PALM2AKAP2: variants seen among roughly 807,000 people sequenced by gnomAD.
PALM2AKAP2 encodes PALM2-AKAP2 fusion protein.
Under a neutral mutation model 71.5 loss-of-function variants are expected in PALM2AKAP2, and 37 were observed. The observed-to-expected ratio is 0.52, with a 90% CI of 0.40 to 0.68. The LOEUF (loss-of-function observed/expected upper bound fraction) is 0.68. Among genes scored for constraint, PALM2AKAP2 ranks in the 30% least tolerant of loss-of-function variants. The probability of loss-of-function intolerance (pLI) is 0.00; values close to 1 mark genes in which losing one functional copy is unlikely to be tolerated. For synonymous variants in PALM2AKAP2, 468 were observed against 478.8 expected (o/e 0.98, Z 0.29); for missense variants, 1,224 against 1,191.8 (o/e 1.03, Z -0.40).
At chr9:109,961,436 T>A (rs1831849308) in intron 6 of PALM2AKAP2, among the ~76,000 whole-genome samples, 1 of 152,210 alleles carries the variant, frequency 6.6e-6, no homozygotes, top group Non-Finnish European at 1.5e-5. Flanking sequence ...TGGAGCAGAA[T>A]GAAAGGGCAG....
At chr9:109,704,513 A>G in intron 1 of PALM2AKAP2, among the ~76,000 whole-genome samples, 1 of 152,192 alleles carries the variant, frequency 6.6e-6, no homozygotes. Context: ...ATACTGCAGA[A>G]TGGAGTTTCT....
chr9:109,770,989 T>A (rs1829252576), intron 1 of PALM2AKAP2, among the ~76,000 whole-genome samples: 1 of 152,230 alleles, frequency 6.6e-6, no homozygotes, highest in Admixed American at 6.5e-5. Flanking sequence ...ATTCTCAAGG[T>A]CATTAAGTGG....
At chr9:110,108,049 A>G (rs1299578759) in intron 1 of PALM2AKAP2, among the ~76,000 whole-genome samples, 1 of 151,046 alleles carries the variant, frequency 6.6e-6, no homozygotes, top group African/African-American at 2.4e-5. Flanking sequence ...GAAAATATCA[A>G]TTGCATACAT....
intron 7 of PALM2AKAP2, among the ~76,000 whole-genome samples, chr9:110,034,883 G>A (rs1833353147): frequency 6.6e-6 from 1 of 151,390 alleles, no homozygotes; most frequent in African/African-American, 2.4e-5. Context: ...GATTACAGGT[G>A]TGAGCCACCA....
intron 1 of PALM2AKAP2, among the ~76,000 whole-genome samples, chr9:109,659,494 G>A (rs10816849): frequency 0.12 from 17,211 of 148,858 alleles, 1,258 homozygotes; most frequent in Non-Finnish European, 0.16. Flanking sequence ...TGGACATTTC[G>A]TATAAATGGA....
chr9:109,843,615 G>T (rs1828769805), intron 1 of PALM2AKAP2, among the ~76,000 whole-genome samples: 1 of 152,288 alleles, frequency 6.6e-6, no homozygotes, highest in Middle Eastern at 3.4e-3. Flanking sequence ...TAAATGTGCA[G>T]GGGCTGGCCC....
intron 6 of PALM2AKAP2, among the ~76,000 whole-genome samples, chr9:110,014,973 A>G (rs1327001565): frequency 2.0e-5 from 3 of 151,296 alleles, no homozygotes; most frequent in Admixed American, 6.6e-5. Context: ...GTGTTTAAAG[A>G]TATTTCAAAA....
intron 6 of PALM2AKAP2, among the ~76,000 whole-genome samples, chr9:109,963,099 C>A (rs1831881744): frequency 6.6e-6 from 1 of 152,124 alleles, no homozygotes; most frequent in African/African-American, 2.4e-5. Context: ...TCGGTTTGCA[C>A]TTGTTCTTGA....
intron 6 of PALM2AKAP2, chr9:109,943,174 G>A (rs750364252): frequency 3.1e-6 from 5 of 1,614,094 alleles, no homozygotes; most frequent in Non-Finnish European, 4.2e-6. Context: ...GACGAAAAAG[G>A]TGCTAGGCTA....
chr9:109,640,787 A>G (rs1827052907), upstream of PALM2AKAP2: 2 of 1,483,854 alleles, frequency 1.3e-6, no homozygotes, highest in Non-Finnish European at 1.8e-6. Flanking sequence ...CGGCGCGGCC[A>G]GTGCACTCGG....
At chr9:110,102,668 C>T (rs933366336) in intron 1 of PALM2AKAP2, among the ~76,000 whole-genome samples, 3 of 151,926 alleles carry the variant, frequency 2.0e-5, no homozygotes, top group Non-Finnish European at 4.4e-5. Flanking sequence ...ATGCTCAACT[C>T]CTAGACTTGT....
At chr9:109,816,081 A>G (rs752596278) in intron 1 of PALM2AKAP2, among the ~76,000 whole-genome samples, 2 of 152,166 alleles carry the variant, frequency 1.3e-5, no homozygotes, top group Non-Finnish European at 2.9e-5. Flanking sequence ...GAAGCTAGAG[A>G]GTTGACAAGG....
At chr9:109,780,668 C>A in intron 1 of PALM2AKAP2, 135 bp downstream of exon 1, 1 of 1,289,574 alleles carries the variant, frequency 7.8e-7, no homozygotes, top group South Asian at 1.3e-5. Context: ...TCTGTCAGGG[C>A]TCAGCTAGGC....
chr9:109,648,963 G>A (rs1424498387), intron 1 of PALM2AKAP2, among the ~76,000 whole-genome samples: 1 of 152,044 alleles, frequency 6.6e-6, no homozygotes, highest in Non-Finnish European at 1.5e-5. Context: ...ATTCCATTGT[G>A]TTCTGGCATT....
intron 1 of PALM2AKAP2, among the ~76,000 whole-genome samples, chr9:109,671,927 T>G (rs1456382244): frequency 4.6e-5 from 7 of 152,178 alleles, no homozygotes; most frequent in Non-Finnish European, 1.0e-4. Context: ...AAACTGCTAG[T>G]GATTTTTGCA....
chr9:109,764,453 A>G (rs1361970579), intron 1 of PALM2AKAP2, among the ~76,000 whole-genome samples: 3 of 152,126 alleles, frequency 2.0e-5, no homozygotes, highest in Admixed American at 6.5e-5. Context: ...TTGAGAGCCT[A>G]TGCATCCTTG....
chr9:109,640,963 G>C lies in PALM2AKAP2; in HGVS notation c.5+97G>C, dbSNP rs1827057502. The C allele has an allele frequency of 2.1e-6, 3 of 1,411,034 alleles. No homozygotes were observed. In the African/African-American group the frequency reaches 4.5e-5, roughly 21 times the overall value. The allele number at this position is 1,411,034 out of a possible 1,614,324, so 87.4% of individuals were successfully genotyped here. ...CAGATCCCGCTCGGGTCCGCGTCCAGGATGGGTGTTTAATTTCAGCCCCGT... is the reference window on the plus strand; with the variant it reads ...CAGATCCCGCTCGGGTCCGCGTCCACGATGGGTGTTTAATTTCAGCCCCGT... On this transcript the variant is annotated intron_variant, in intron 1 of 6. Transcript: ENST00000374531.
At chr9:110,096,928 TTTTA>T (rs149932603) in intron 1 of PALM2AKAP2, among the ~76,000 whole-genome samples, 15,602 of 148,318 alleles carry the variant, frequency 0.11, 852 homozygotes, top group Middle Eastern at 0.13. Flanking sequence ...AGAATTTTCT[TTTTA>T]TTTATTTATT....
intron 2 of PALM2AKAP2, among the ~76,000 whole-genome samples, chr9:110,149,418 G>T (rs1471288978): frequency 6.6e-6 from 1 of 152,190 alleles, no homozygotes; most frequent in Admixed American, 6.5e-5. Context: ...CTCAGCGTGG[G>T]CTAATAATAT....
Sources: gnomAD v4.1 joint callset for allele counts (sites outside exome capture counted in the v4.1 genomes callset) on GRCh38, gnomAD v4.1.1 for gene constraint, MANE v1.5 for transcripts, NCBI Gene and HGNC (gene_info 2026-07-23, HGNC 2026-07-21) for gene names.